Variants in HCK observed in about 807,000 individuals in gnomAD.
The protein encoded by HCK is tyrosine-protein kinase HCK.
A neutral mutation model predicts 70.4 loss-of-function variants in HCK; 40 were observed. That is an observed-to-expected ratio of 0.57 (90% confidence interval 0.44 to 0.74). The LOEUF (loss-of-function observed/expected upper bound fraction) is 0.74, where lower values mean the gene tolerates loss of function less well. HCK is among the 30% of genes least tolerant of loss of function. HCK has a pLI of 0.00. For missense variants in HCK, 568 were observed against 697.2 expected (o/e 0.81, Z 2.09); for synonymous variants, 245 against 263.2 (o/e 0.93, Z 0.67).
Position 32,094,109 on chromosome 20 carries a change from A to G in HCK, c.1246+93A>G, listed in dbSNP as rs2045902190. ...TTGTGAGAGCGATTGGTAAAATGCA[A>G]GGGACTGCCCCAGTACTAGCTGTGC... On this transcript the variant is annotated intron_variant, in intron 11 of 12. Coordinates refer to ENST00000375852, the MANE Select transcript of HCK (RefSeq NM_002110.5). 7 of 1,227,764 alleles carry G rather than the reference A, an allele frequency of 5.7e-6. 1 individual carries two copies. In the South Asian group the frequency reaches 9.5e-5, roughly 17 times the overall value. 76.1% of individuals were successfully genotyped at this position (1,227,764 alleles called of 1,614,324 possible).
intron 1 of HCK, among the ~76,000 whole-genome samples, chr20:32,055,021 G>A (rs2045248640): frequency 6.6e-6 from 1 of 152,174 alleles, no homozygotes. Flanking sequence ...TTCCCCTGTG[G>A]ATAAATACTC....
rs745414519 is a variant in HCK at position 32,093,822 on chromosome 20, G to A, written c.1093-41G>A. 3.8e-6 allele frequency: 6 copies of A among 1,582,650 alleles called. No individual in the cohort carries two copies. The South Asian group carries it at 6.8e-5, about 18-fold the overall frequency. The stretch of plus-strand genomic sequence containing the variant: ...TTTTGGGTGGGGCCATCTTGGCGTA[G>A]GCCAGGTCTGAGGACAAAGGTGTCT... On this transcript the variant is annotated intron_variant, in intron 10 of 12. Coordinates refer to ENST00000375852, the MANE Select transcript of HCK (RefSeq NM_002110.5).
intron 2 of HCK, among the ~76,000 whole-genome samples, chr20:32,072,843 G>A (rs1020930523): frequency 4.6e-5 from 7 of 152,092 alleles, no homozygotes; most frequent in African/African-American, 1.7e-4. Flanking sequence ...CCTGGATCCT[G>A]GCTGGGCACA....
chr20:32,097,973 T>A (rs1320152897), intron 11 of HCK, among the ~76,000 whole-genome samples: 1 of 152,176 alleles, frequency 6.6e-6, no homozygotes, highest in Non-Finnish European at 1.5e-5. Context: ...GCCCAGGAGT[T>A]TTGAGAACAG....
At chr20:32,076,048 C>T (rs2045619225) in intron 5 of HCK, among the ~76,000 whole-genome samples, 1 of 152,152 alleles carries the variant, frequency 6.6e-6, no homozygotes, top group Non-Finnish European at 1.5e-5. Flanking sequence ...TCTGGCTGGG[C>T]ATGGTGGCTC....
chr20:32,090,632 C>T (rs1045221921), intron 10 of HCK, among the ~76,000 whole-genome samples: 1 of 152,168 alleles, frequency 6.6e-6, no homozygotes, highest in African/African-American at 2.4e-5. Context: ...AGCTCTGATG[C>T]TGTGACTCCC....
chr20:32,078,430 G>A (rs1419071536), intron 5 of HCK, among the ~76,000 whole-genome samples: 3 of 152,042 alleles, frequency 2.0e-5, no homozygotes, highest in African/African-American at 7.2e-5. Context: ...GAAGGTAGAT[G>A]AGCAACATAG....
chr20:32,058,605 A>AACACACACACACACACACAC (rs60349531), intron 1 of HCK, among the ~76,000 whole-genome samples: 3 of 142,334 alleles, frequency 2.1e-5, no homozygotes, highest in East Asian at 4.2e-4. Flanking sequence ...TTTATGTCAA[A>AACACACACACACACACACAC]ACACACACAC....
intron 1 of HCK, among the ~76,000 whole-genome samples, chr20:32,062,164 TC>T (rs2045389525): frequency 6.6e-6 from 1 of 152,126 alleles, no homozygotes. Context: ...GGTCTCCAAC[TC>T]CTGACCTCAG....
intron 1 of HCK, among the ~76,000 whole-genome samples, chr20:32,069,969 C>A (rs1185180176): frequency 6.6e-6 from 1 of 152,210 alleles, no homozygotes; most frequent in African/African-American, 2.4e-5. Flanking sequence ...GCCTTCTCAG[C>A]AAATGTGTGT....
At chr20:32,079,671 T>C (rs1430896467) in intron 5 of HCK, 103 bp from the exon 6 acceptor site, 4 of 736,362 alleles carry the variant, frequency 5.4e-6, no homozygotes, top group South Asian at 1.6e-5. Context: ...ACCCTCTGTA[T>C]CCTGACATTC....
chr20:32,082,268 T>G (rs1035723662), intron 6 of HCK, among the ~76,000 whole-genome samples: 45 of 152,300 alleles, frequency 3.0e-4, no homozygotes, highest in African/African-American at 1.1e-3. Flanking sequence ...ATAATGAATA[T>G]TATTCTTATT....
chr20:32,084,359 T>C, intron 7 of HCK, 32 bp from the exon 8 acceptor site: 1 of 1,592,034 alleles, frequency 6.3e-7, no homozygotes, highest in Non-Finnish European at 8.6e-7. Context: ...TCGGTGCTTG[T>C]TGCTCTCAAT....
intron 1 of HCK, among the ~76,000 whole-genome samples, chr20:32,056,478 TGCACTCTAGC>T (rs1450134591): frequency 6.6e-6 from 1 of 151,714 alleles, no homozygotes; most frequent in African/African-American, 2.4e-5. Flanking sequence ...ATCGAGCCAC[TGCACTCTAGC>T]CTGGGCGACA....
chr20:32,091,898 C>A (rs1359499261), intron 10 of HCK, among the ~76,000 whole-genome samples: 1 of 151,634 alleles, frequency 6.6e-6, no homozygotes, highest in Non-Finnish European at 1.5e-5. Context: ...GGTGGGAAGA[C>A]TGCTTGAGCC....
Position 32,058,605 on chromosome 20 carries a change from A to AACACACACACACACACAC in HCK, c.62+6137_62+6154dup, listed in dbSNP as rs60349531. Among the ~76,000 whole-genome samples, 38 of 142,432 alleles carry AACACACACACACACACAC rather than the reference A, an allele frequency of 2.7e-4. No homozygotes were observed. In the South Asian group the frequency reaches 4.3e-3, roughly 16 times the overall value. 93.4% of individuals were successfully genotyped at this position (142,432 alleles called of 152,430 possible). On this transcript the variant is annotated intron_variant, in intron 1 of 12. Coordinates refer to ENST00000375852, the MANE Select transcript of HCK (RefSeq NM_002110.5). ...TGCAGCACAATTCCTTTTATGTCAA[A>AACACACACACACACACAC]ACACACACACACACACACACACACA...
intron 1 of HCK, among the ~76,000 whole-genome samples, chr20:32,067,971 T>G (rs1272421883): frequency 6.6e-6 from 1 of 152,180 alleles, no homozygotes; most frequent in East Asian, 1.9e-4. Context: ...TTCTTTTTAC[T>G]TTAAGAAACC....
rs139900926 is a variant in HCK at position 32,061,196 on chromosome 20, C to A, written c.62+8710C>A. Reference sequence around the variant, plus strand: ...ACGGGGTTTCACCATGTTGGCCAGGCTGGTCTTGAACTCCTGACCTTGTGA... The same window carrying A: ...ACGGGGTTTCACCATGTTGGCCAGGATGGTCTTGAACTCCTGACCTTGTGA... On this transcript the variant is annotated intron_variant, in intron 1 of 12. Coordinates refer to ENST00000375852, the MANE Select transcript of HCK (RefSeq NM_002110.5). Among the ~76,000 whole-genome samples, 1,440 of 152,286 alleles carry A rather than the reference C, an allele frequency of 9.5e-3. 22 individuals are homozygous for A. The highest frequency in any genetic ancestry group is 0.079 in the South Asian group (383 of 4,826).
At chr20:32,061,275 C>T (rs905940452) in intron 1 of HCK, among the ~76,000 whole-genome samples, 2 of 152,354 alleles carry the variant, frequency 1.3e-5, no homozygotes, top group Non-Finnish European at 1.5e-5. Context: ...AGCCACTGCG[C>T]CCAGCTGCCG....
Sources: allele counts gnomAD v4.1 joint callset (sites outside exome capture counted in the v4.1 genomes callset), GRCh38; gene constraint gnomAD v4.1.1; transcripts MANE v1.5; gene names NCBI Gene and HGNC (gene_info 2026-07-23, HGNC 2026-07-21).